IMPA2: variants seen among roughly 807,000 people sequenced by gnomAD.
IMPA2 encodes inositol monophosphatase 2.
IMPA2 carries 32 observed loss-of-function variants against 35.1 expected under a neutral mutation model. The ratio of observed to expected loss-of-function variants is 0.91; its 90% CI spans 0.69 to 1.23. The LOEUF (loss-of-function observed/expected upper bound fraction) is 1.23. Among genes scored for constraint, IMPA2 ranks in the 50% most tolerant of loss-of-function variants. IMPA2 has a pLI of 0.00. For synonymous variants in IMPA2, 135 were observed against 160.6 expected (o/e 0.84, Z 1.20); for missense variants, 334 against 387.6 (o/e 0.86, Z 1.16).
chr18:12,009,825 C>T lies in IMPA2; in HGVS notation c.231-58C>T, dbSNP rs527843116. ...TCTTTAATGGGACTGGAAGCAATTT[C>T]AGGCACGTTATTCTGTGTCCTTGGT... On this transcript the variant is annotated intron_variant, in intron 2 of 7. Coordinates refer to ENST00000269159, the MANE Select transcript of IMPA2 (RefSeq NM_014214.3). 8 of 1,336,118 alleles carry T rather than the reference C, an allele frequency of 6.0e-6. No homozygotes were observed. In the East Asian group the frequency reaches 1.9e-4, roughly 31 times the overall value. 82.8% of individuals were successfully genotyped at this position (1,336,118 alleles called of 1,614,324 possible). A position where few individuals can be genotyped will look rare whatever the true frequency, so the allele number is the denominator to read the frequency against.
intron 2 of IMPA2, among the ~76,000 whole-genome samples, chr18:12,002,062 G>GT (rs1412303034): frequency 2.6e-5 from 4 of 151,888 alleles, no homozygotes; most frequent in African/African-American, 7.3e-5. Flanking sequence ...TGTGAAGTGA[G>GT]TTTTTTTTGC....
chr18:12,024,295 C>T (rs981619274), intron 5 of IMPA2, among the ~76,000 whole-genome samples: 5 of 152,142 alleles, frequency 3.3e-5, no homozygotes, highest in Non-Finnish European at 7.4e-5. Flanking sequence ...ACCAGCCTGA[C>T]CAATATGGTG....
In IMPA2 at chr18:11,983,976, C is replaced by T. The variant is rs574720777; in HGVS notation, c.96+2211C>T. On this transcript the variant is annotated intron_variant, in intron 1 of 7. Coordinates refer to ENST00000269159, the MANE Select transcript of IMPA2 (RefSeq NM_014214.3). ...GAGCATGTTGGCAAAGTCGCAGGGC[C>T]CCCAGATGCTCACCCTTCACTAGCA... Among the ~76,000 whole-genome samples, 5 of 152,220 alleles carry T rather than the reference C, an allele frequency of 3.3e-5. No individual in the cohort carries two copies. In the South Asian group the frequency reaches 1.0e-3, roughly 32 times the overall value.
intron 2 of IMPA2, among the ~76,000 whole-genome samples, chr18:12,006,973 TA>T (rs1037413658): frequency 4.6e-5 from 7 of 151,734 alleles, no homozygotes; most frequent in Non-Finnish European, 7.4e-5. Context: ...CTACTAAAGA[TA>T]AAAAAAATTA....
At chr18:12,009,276 TA>T (rs754381609) in intron 2 of IMPA2, among the ~76,000 whole-genome samples, 1 of 151,642 alleles carries the variant, frequency 6.6e-6, no homozygotes, top group East Asian at 1.9e-4. Context: ...CCCTATCTCT[TA>T]AAAAACAACA....
intron 1 of IMPA2, among the ~76,000 whole-genome samples, chr18:11,984,892 C>T (rs983435501): frequency 1.0e-4 from 15 of 149,540 alleles, no homozygotes; most frequent in Non-Finnish European, 1.3e-4. Flanking sequence ...GGCGTGAACC[C>T]GGGAGGCGGA....
intron 4 of IMPA2, among the ~76,000 whole-genome samples, chr18:12,013,284 G>A (rs890582490): frequency 1.3e-5 from 2 of 152,170 alleles, no homozygotes; most frequent in South Asian, 2.1e-4. Flanking sequence ...CAGGCCTCAG[G>A]AACCAGCCGA....
intron 2 of IMPA2, 143 bp downstream of exon 2, chr18:11,999,330 T>A: frequency 1.5e-6 from 1 of 671,184 alleles, no homozygotes. Context: ...AACCTGCGAT[T>A]TGTCAGTTAC....
chr18:12,028,612 T>C, intron 6 of IMPA2: 1 of 552,200 alleles, frequency 1.8e-6, no homozygotes, highest in Non-Finnish European at 3.2e-6. Context: ...AGGTGCTCAG[T>C]AGCTAGGTCA....
Position 12,006,414 on chromosome 18 carries a change from G to A in IMPA2, c.231-3469G>A, listed in dbSNP as rs534876771. On this transcript the variant is annotated intron_variant, in intron 2 of 7. Coordinates refer to ENST00000269159, the MANE Select transcript of IMPA2 (RefSeq NM_014214.3). ...AGGCAGTTCCTGCAAGGAGCAAGGC[G>A]TGCAGTGTAGATGAAGAACCAGAAG... Among the ~76,000 whole-genome samples, 155 of 152,334 alleles carry A rather than the reference G, an allele frequency of 1.0e-3. 1 individual carries two copies. The highest frequency in any genetic ancestry group is 3.6e-3 in the African/African-American group (148 of 41,574).
At position 12,025,589 on chromosome 18, in the gene IMPA2, T is replaced by C. The variant is rs534751255; in HGVS notation, c.491-2454T>C. On this transcript the variant is annotated intron_variant, in intron 5 of 7. Transcript: ENST00000269159. ...CAGATGTGTAGAGGTGTCTCGTTAT[T>C]GTTGTTTTGAGACGGAGGCTCACTC... Among the ~76,000 whole-genome samples, 46 of 152,306 alleles carry C rather than the reference T, an allele frequency of 3.0e-4. No individual in the cohort carries two copies. In the East Asian group the frequency reaches 8.1e-3, roughly 27 times the overall value.
intron 1 of IMPA2, among the ~76,000 whole-genome samples, chr18:11,989,813 A>G (rs559007239): frequency 7.2e-5 from 11 of 152,200 alleles, no homozygotes; most frequent in Non-Finnish European, 1.0e-4. Context: ...GCTCACCCCA[A>G]TGAAGCGCTG....
intron 1 of IMPA2, 85 bp downstream of exon 1, chr18:11,981,850 C>A: frequency 1.0e-6 from 1 of 967,990 alleles, no homozygotes; most frequent in Non-Finnish European, 1.3e-6. Flanking sequence ...GGGGTCCTGG[C>A]GCGCAGCCGG....
At chr18:12,021,236 T>C (rs997340061) in intron 5 of IMPA2, among the ~76,000 whole-genome samples, 5 of 152,014 alleles carry the variant, frequency 3.3e-5, no homozygotes, top group Non-Finnish European at 7.4e-5. Context: ...GTACAAAAAA[T>C]TTAAAAATTA....
At chr18:12,009,657 G>A (rs1907377686) in intron 2 of IMPA2, among the ~76,000 whole-genome samples, 1 of 152,156 alleles carries the variant, frequency 6.6e-6, no homozygotes, top group Non-Finnish European at 1.5e-5. Flanking sequence ...CTGAACGCTG[G>A]CACTGAGGTG....
At chr18:11,997,057 C>T (rs1475380555) in intron 1 of IMPA2, among the ~76,000 whole-genome samples, 1 of 152,056 alleles carries the variant, frequency 6.6e-6, no homozygotes, top group East Asian at 1.9e-4. Context: ...CCCCCCATAC[C>T]ACATGAACAC....
intron 1 of IMPA2, among the ~76,000 whole-genome samples, chr18:11,983,805 G>A (rs909220137): frequency 6.6e-6 from 1 of 152,158 alleles, no homozygotes; most frequent in Non-Finnish European, 1.5e-5. Flanking sequence ...AGCCACACGA[G>A]GTCATCGGAA....
intron 4 of IMPA2, among the ~76,000 whole-genome samples, chr18:12,013,635 G>T (rs1285857586): frequency 6.6e-6 from 1 of 152,220 alleles, no homozygotes; most frequent in African/African-American, 2.4e-5. Flanking sequence ...ACAGAGGCAC[G>T]CGGCCGTGGG....
chr18:12,019,258 A>AT (rs781775080), intron 5 of IMPA2, among the ~76,000 whole-genome samples: 153 of 151,476 alleles, frequency 1.0e-3, no homozygotes, highest in Non-Finnish European at 1.3e-3. Context: ...AAAAGTAGCA[A>AT]TTTTTTTTGT....
Sources: allele counts gnomAD v4.1 joint callset (sites outside exome capture counted in the v4.1 genomes callset), GRCh38; gene constraint gnomAD v4.1.1; transcripts MANE v1.5; gene names NCBI Gene and HGNC (gene_info 2026-07-23, HGNC 2026-07-21).